The following CDIN1 variants were observed in gnomAD, a reference collection of about 807,000 sequenced individuals.
The protein encoded by CDIN1 is CDAN1-interacting nuclease 1.
A neutral mutation model predicts 45.3 loss-of-function variants in CDIN1; 33 were observed. The ratio of observed to expected loss-of-function variants is 0.73; its 90% CI spans 0.55 to 0.97. The LOEUF (loss-of-function observed/expected upper bound fraction) is 0.97. Among genes scored for constraint, CDIN1 ranks in the 50% least tolerant of loss-of-function variants. The pLI, the probability that CDIN1 is intolerant of heterozygous loss-of-function variation, is 0.00. For missense variants in CDIN1, 303 were observed against 339.4 expected (o/e 0.89, Z 0.84); for synonymous variants, 118 against 124.4 (o/e 0.95, Z 0.34).
At chr15:36,618,427 T>G (rs2038997351) in intron 1 of CDIN1, 2 of 804,796 alleles carry the variant, frequency 2.5e-6, no homozygotes, top group Admixed American at 3.5e-5. Flanking sequence ...AGGAGAACTC[T>G]TTTCAGAGGT....
chr15:36,600,569 A>G lies in CDIN1; in HGVS notation c.101+20608A>G, dbSNP rs145056509. Among the ~76,000 whole-genome samples, 5 of 152,320 alleles carry G rather than the reference A, an allele frequency of 3.3e-5. No individual in the cohort carries two copies. The East Asian group carries it at 7.7e-4, about 24-fold the overall frequency. On this transcript the variant is annotated intron_variant, in intron 1 of 10. Transcript: ENST00000566621. ...CTCTCTTGTGGCATGTGTCATTGAT[A>G]TGGTGATTAGGTGGCTAGAGAGACC...
At chr15:36,806,752 A>G (rs1184073360) in intron 10 of CDIN1, among the ~76,000 whole-genome samples, 1 of 152,208 alleles carries the variant, frequency 6.6e-6, no homozygotes, top group African/African-American at 2.4e-5. Context: ...CCAATGGTTT[A>G]TGTTCCAATT....
intron 10 of CDIN1, among the ~76,000 whole-genome samples, chr15:36,730,947 C>T (rs376215962): frequency 7.9e-5 from 12 of 152,088 alleles, no homozygotes; most frequent in East Asian, 7.7e-4. Flanking sequence ...AGAAAACAAA[C>T]GCCTGGCAAC....
intron 10 of CDIN1, chr15:36,804,694 T>TTTTTTTTTA (rs1555411622): frequency 6.8e-6 from 1 of 147,758 alleles, no homozygotes; most frequent in Non-Finnish European, 1.5e-5. Context: ...TTTTTTTTTT[T>TTTTTTTTTA]CAGAGTCTTG....
intron 10 of CDIN1, among the ~76,000 whole-genome samples, chr15:36,736,420 A>G (rs947089944): frequency 9.9e-4 from 150 of 152,090 alleles, no homozygotes; most frequent in Admixed American, 6.3e-3. Context: ...CTACTCCCCA[A>G]CCCACTTAAT....
intron 4 of CDIN1, among the ~76,000 whole-genome samples, chr15:36,655,757 T>G (rs1433848801): frequency 1.3e-5 from 2 of 152,188 alleles, no homozygotes; most frequent in Non-Finnish European, 2.9e-5. Flanking sequence ...CTAGCAGCAT[T>G]CCAGACACAG....
chr15:36,675,543 A>C (rs762715612), intron 5 of CDIN1, among the ~76,000 whole-genome samples: 2 of 152,142 alleles, frequency 1.3e-5, no homozygotes, highest in African/African-American at 2.4e-5. Flanking sequence ...TGTAAACTCT[A>C]TCTCTCACTT....
intron 10 of CDIN1, among the ~76,000 whole-genome samples, chr15:36,782,088 AT>A (rs1382253284): frequency 6.6e-6 from 1 of 152,154 alleles, no homozygotes; most frequent in South Asian, 2.1e-4. Context: ...GGATCCTCGT[AT>A]TTTTTCCATG....
At chr15:36,679,272 C>G (rs2041766162) in intron 5 of CDIN1, among the ~76,000 whole-genome samples, 1 of 152,310 alleles carries the variant, frequency 6.6e-6, no homozygotes, top group Non-Finnish European at 1.5e-5. Flanking sequence ...CTGGCTGTCT[C>G]TCAAGCCTAT....
At chr15:36,803,682 CT>C (rs1325410892) in intron 10 of CDIN1, among the ~76,000 whole-genome samples, 1 of 152,224 alleles carries the variant, frequency 6.6e-6, no homozygotes, top group Non-Finnish European at 1.5e-5. Context: ...TAAGTCTGCA[CT>C]TGAGAGCTAC....
At chr15:36,637,599 A>C (rs1426551793) in intron 1 of CDIN1, among the ~76,000 whole-genome samples, 1 of 152,238 alleles carries the variant, frequency 6.6e-6, no homozygotes, top group Non-Finnish European at 1.5e-5. Context: ...CAGATGGCCC[A>C]GAATTCTTCT....
chr15:36,716,367 C>T (rs757983955), intron 10 of CDIN1, among the ~76,000 whole-genome samples: 1 of 152,006 alleles, frequency 6.6e-6, no homozygotes. Context: ...GGAAACACAC[C>T]ATTATGATCA....
At chr15:36,711,126 G>A (rs2043041953) in intron 10 of CDIN1, among the ~76,000 whole-genome samples, 1 of 152,044 alleles carries the variant, frequency 6.6e-6, no homozygotes, top group Non-Finnish European at 1.5e-5. Context: ...GCAGTAATGT[G>A]GCAAATTGAA....
chr15:36,626,031 A>G (rs8035467), intron 1 of CDIN1, among the ~76,000 whole-genome samples: 41,357 of 151,732 alleles, frequency 0.27, 6,108 homozygotes, highest in African/African-American at 0.38. Context: ...GAGATTATGT[A>G]TTTTGTATTG....
At chr15:36,627,091 C>T in intron 1 of CDIN1, 1 of 177,282 alleles carries the variant, frequency 5.6e-6, no homozygotes, top group Non-Finnish European at 1.3e-5. Flanking sequence ...TAGGCTACAG[C>T]ACCAGTTCCT....
rs536514147 is a variant in CDIN1 at position 36,685,236 on chromosome 15, T to TA, written c.347-6448dup. On this transcript the variant is annotated intron_variant, in intron 5 of 10. Coordinates refer to ENST00000566621, the MANE Select transcript of CDIN1 (RefSeq NM_001321759.2). Reference sequence around the variant, plus strand: ...GCATTTAGTGCTGTAAATTTCCCTCTACACACTGCTTTGAATGCGTCCCAG... The same window carrying TA: ...GCATTTAGTGCTGTAAATTTCCCTCTAACACACTGCTTTGAATGCGTCCCAG... 4.5e-3 allele frequency among the ~76,000 whole-genome samples: 686 copies of TA among 151,860 alleles called. 3 individuals carry two copies. The highest frequency in any genetic ancestry group is 7.7e-3 in the Non-Finnish European group (520 of 67,960).
At chr15:36,597,172 C>T (rs897768120) in intron 1 of CDIN1, among the ~76,000 whole-genome samples, 1 of 152,106 alleles carries the variant, frequency 6.6e-6, no homozygotes, top group East Asian at 1.9e-4. Flanking sequence ...TTTAAGTGCC[C>T]TATTCGGTGA....
chr15:36,730,560 T>C (rs1302204697), intron 10 of CDIN1, among the ~76,000 whole-genome samples: 1 of 152,124 alleles, frequency 6.6e-6, no homozygotes, highest in Non-Finnish European at 1.5e-5. Flanking sequence ...CAACCTTTAA[T>C]TTAGCATGTT....
intron 7 of CDIN1, among the ~76,000 whole-genome samples, chr15:36,693,950 T>C (rs1163740196): frequency 6.6e-6 from 1 of 152,228 alleles, no homozygotes; most frequent in African/African-American, 2.4e-5. Context: ...AGTACATGAT[T>C]TCAATTGATA....
Sources: gnomAD v4.1 joint callset for allele counts (sites outside exome capture counted in the v4.1 genomes callset) on GRCh38, gnomAD v4.1.1 for gene constraint, MANE v1.5 for transcripts, NCBI Gene and HGNC (gene_info 2026-07-23, HGNC 2026-07-21) for gene names.